CEP192: variants seen among roughly 807,000 people sequenced by gnomAD.
CEP192 encodes the protein centrosomal protein 192.
In CEP192, 151 loss-of-function variants were observed where a neutral mutation model predicts 271.8. The ratio of observed to expected loss-of-function variants is 0.56; its 90% CI spans 0.49 to 0.64. CEP192 has a LOEUF of 0.64. Ranked by LOEUF, CEP192 falls within the 30% of genes least tolerant of loss-of-function variation. CEP192 has a pLI of 0.00. For missense variants in CEP192, 2,910 were observed against 3,020.5 expected, an observed-to-expected ratio of 0.96 and a Z score of 0.86; for synonymous variants, 995 against 1,076.5, an observed-to-expected ratio of 0.92 and a Z score of 1.48.
intron 5 of CEP192, 140 bp from the exon 6 acceptor site, chr18:13,015,188 C>T (rs989597885): frequency 1.2e-5 from 9 of 731,572 alleles, no homozygotes; most frequent in East Asian, 2.9e-5. Flanking sequence ...CAATTGCTAG[C>T]CCTTTATTGC....
intron 18 of CEP192, among the ~76,000 whole-genome samples, chr18:13,054,240 G>C (rs976523942): frequency 6.6e-6 from 1 of 152,236 alleles, no homozygotes; most frequent in Non-Finnish European, 1.5e-5. Flanking sequence ...TCAGGCAAGA[G>C]ACAGTGCACG....
intron 30 of CEP192, among the ~76,000 whole-genome samples, chr18:13,073,869 G>A (rs2038138217): frequency 6.6e-6 from 1 of 152,186 alleles, no homozygotes. Flanking sequence ...TTTGCGGGGG[G>A]ACATCACCGT....
At chr18:13,102,653 C>T (rs998619961) in intron 38 of CEP192, among the ~76,000 whole-genome samples, 1 of 152,224 alleles carries the variant, frequency 6.6e-6, no homozygotes, top group Admixed American at 6.5e-5. Flanking sequence ...CTTTGGAGGA[C>T]TTCTCCGTGC....
intron 12 of CEP192, 60 bp from the exon 13 acceptor site, chr18:13,038,310 T>C: frequency 7.3e-7 from 1 of 1,367,238 alleles, no homozygotes; most frequent in Non-Finnish European, 1.0e-6. Context: ...TTTTGTATAT[T>C]AGAACAACAG....
At chr18:12,992,394 TTGTA>T (rs1288320116) in intron 1 of CEP192, among the ~76,000 whole-genome samples, 1 of 152,242 alleles carries the variant, frequency 6.6e-6, no homozygotes, top group Non-Finnish European at 1.5e-5. Context: ...ATGTGTTTAA[TTGTA>T]TACATAGACC....
Position 13,018,502 on chromosome 18 carries a change from A to C in CEP192, c.812A>C (p.Asn271Thr). Residue 271 changes from asparagine to threonine, a missense_variant, in exon 8 of 45, where the codon AAC (asparagine) becomes ACC (threonine). Transcript: ENST00000506447. ...LRQANENGSL[N>T]CKFQSENNSS... ...CAGGCAAATGAAAACGGTAGCTTAA[A>C]CTGCAAGTTTCAATCAGAAAATAAC... 6.5e-7 allele frequency: 1 copy of C among 1,535,132 alleles called. No individual in the cohort carries two copies. Among genetic ancestry groups the C allele is most frequent in the Non-Finnish European group, 8.8e-7 (1 of 1,136,544 alleles).
chr18:13,057,832 T>A, intron 20 of CEP192, 99 bp downstream of exon 20: 1 of 1,082,106 alleles, frequency 9.2e-7, no homozygotes, highest in Non-Finnish European at 1.3e-6. Context: ...TTCACGCCTT[T>A]ATTAATGCAC....
intron 9 of CEP192, among the ~76,000 whole-genome samples, chr18:13,028,658 T>C (rs554821428): frequency 6.6e-6 from 1 of 152,264 alleles, no homozygotes; most frequent in Non-Finnish European, 1.5e-5. Flanking sequence ...TAGCTGGGAT[T>C]ACAGGTGCCC....
At position 13,105,069 on chromosome 18, in the gene CEP192, G is replaced by A. The variant is rs1300801328; in HGVS notation, c.7037G>A (p.Gly2346Glu). 6.2e-7 allele frequency: 1 copy of A among 1,612,672 alleles called. No individual in the cohort carries two copies. Among genetic ancestry groups the A allele is most frequent in the East Asian group, 2.2e-5 (1 of 44,894 alleles). The part of the protein sequence containing the change: ...SPISGLLESH[G>E]IQKVSITFLP... ...ATTTCTGGTCTGCTGGAAAGCCATG[G>A]GATCCAAAAAGTAGGTTTTGATATT... is the stretch of plus-strand genomic sequence containing the variant. The change falls in exon 40 of 45, where the codon GGG becomes GAG. Residue 2346 changes from glycine to glutamate, a missense_variant. Gly to Glu is a moderately conservative substitution (Grantham distance 98). Transcript: ENST00000506447.
At position 13,048,891 on chromosome 18, in the gene CEP192, A is replaced by G. The variant is rs2036620717; in HGVS notation, c.2100A>G (p.Arg700=). 1 of 1,608,036 alleles carries G rather than the reference A, an allele frequency of 6.2e-7. No homozygotes were observed. Among genetic ancestry groups the G allele is most frequent in the Admixed American group, 1.7e-5 (1 of 59,292 alleles). ...DTFFMSNKPQ[R]YKDKLPDSGD... ...TCTTCATGAGCAACAAACCCCAAAG[A>G]TACAAAGACAAGCTACCAGATAGTG... Residue 700 remains arginine (R), a synonymous_variant, in exon 16 of 45, where the codon AGA becomes AGG. Transcript: ENST00000506447.
In CEP192 at chr18:13,087,098, G is replaced by T. The variant is rs377424992; in HGVS notation, c.5698G>T (p.Val1900Leu). 17 of 1,613,892 alleles carry T rather than the reference G, an allele frequency of 1.1e-5. No homozygotes were observed. In the African/African-American group the frequency reaches 2.0e-4, roughly 19 times the overall value. Reference protein sequence around the residue: ...KKLSDSYMVTVNGLVPGKESK... With the variant: ...KKLSDSYMVTLNGLVPGKESK... ...ATTATCTGACAGTTACATGGTAACAGTGAATGGCTTAGTACCTGGCAAAGA... is the reference window on the plus strand; with the variant it reads ...ATTATCTGACAGTTACATGGTAACATTGAATGGCTTAGTACCTGGCAAAGA... Residue 1900 changes from valine to leucine, a missense_variant, in exon 31 of 45, where the codon GTG (valine) becomes TTG (leucine). Coordinates refer to ENST00000506447, the MANE Select transcript of CEP192 (RefSeq NM_032142.4).
chr18:13,103,993 C>A, intron 39 of CEP192: 1 of 380,406 alleles, frequency 2.6e-6, no homozygotes. Context: ...CCTGGCCTTG[C>A]TGGTTATTTG....
intron 1 of CEP192, among the ~76,000 whole-genome samples, chr18:12,998,882 T>TA (rs1480833746): frequency 1.3e-5 from 2 of 152,216 alleles, no homozygotes; most frequent in Non-Finnish European, 2.9e-5. Flanking sequence ...GTACCCCTTT[T>TA]ACCACTTTTA....
intron 3 of CEP192, 43 bp downstream of exon 3, chr18:13,001,625 G>A: frequency 1.4e-6 from 2 of 1,470,336 alleles, no homozygotes; most frequent in Non-Finnish European, 1.8e-6. Context: ...TTAAAAGTGG[G>A]TCTTACGCAG....
At chr18:13,022,832 C>G (rs923907847) in intron 9 of CEP192, among the ~76,000 whole-genome samples, 1 of 152,162 alleles carries the variant, frequency 6.6e-6, no homozygotes, top group Non-Finnish European at 1.5e-5. Flanking sequence ...GAATATCTCT[C>G]TATTTATTTG....
intron 20 of CEP192, chr18:13,058,402 T>C (rs998786441): frequency 2.6e-5 from 4 of 152,568 alleles, no homozygotes; most frequent in African/African-American, 9.6e-5. Flanking sequence ...GGTGGATGCT[T>C]CCCTCGTGCC....
chr18:13,014,950 A>G lies in CEP192; in HGVS notation c.520-378A>G, dbSNP rs2034558136. Among the ~76,000 whole-genome samples, 5 of 152,352 alleles carry G rather than the reference A, an allele frequency of 3.3e-5. No individual in the cohort carries two copies. The South Asian group carries it at 1.0e-3, about 32-fold the overall frequency. ...ATTGATTTTTCCAATGTAATGGTGCAAACAGTTCCTTAGATACAGGCTGCC... is the reference window on the plus strand; with the variant it reads ...ATTGATTTTTCCAATGTAATGGTGCGAACAGTTCCTTAGATACAGGCTGCC... On this transcript the variant is annotated intron_variant, in intron 5 of 44. Transcript: ENST00000506447.
intron 18 of CEP192, among the ~76,000 whole-genome samples, chr18:13,054,008 T>C (rs984196005): frequency 6.6e-6 from 1 of 152,090 alleles, no homozygotes. Context: ...AACAAATTTT[T>C]TTAGAGATGG....
At chr18:12,996,206 AGGGTTGGGGGGT>A (rs1459982175) in intron 1 of CEP192, among the ~76,000 whole-genome samples, 1 of 92,376 alleles carries the variant, frequency 1.1e-5, no homozygotes, top group Non-Finnish European at 2.2e-5. Flanking sequence ...AGGTCATAGC[AGGGTTGGGGGGT>A]AGGTTGGGGG....
Sources: allele counts gnomAD v4.1 joint callset (sites outside exome capture counted in the v4.1 genomes callset), GRCh38; gene constraint gnomAD v4.1.1; transcripts MANE v1.5; gene names NCBI Gene and HGNC (gene_info 2026-07-23, HGNC 2026-07-21).